Variants in PABPC4L observed in about 807,000 individuals in gnomAD.
PABPC4L encodes the protein polyadenylate-binding protein 4-like.
For missense variants in PABPC4L, 452 were observed against 451.4 expected, an observed-to-expected ratio of 1.00 and a Z score of -0.01; for synonymous variants, 169 against 164.1, an observed-to-expected ratio of 1.03 and a Z score of -0.23.
the PABPC4L span, among the ~76,000 whole-genome samples, chr4:133,971,042 T>C: frequency 6.6e-6 from 1 of 151,954 alleles, no homozygotes; most frequent in East Asian, 1.9e-4. Flanking sequence ...TCCTCTCTTT[T>C]ACTCATCATG....
the PABPC4L span, among the ~76,000 whole-genome samples, chr4:134,041,975 C>T: frequency 1.3e-4 from 20 of 152,114 alleles, no homozygotes; most frequent in Middle Eastern, 3.2e-3. Context: ...GTGTATATTG[C>T]AGCACAGCTG....
the PABPC4L span, among the ~76,000 whole-genome samples, chr4:134,025,187 G>A: frequency 1.3e-5 from 2 of 150,972 alleles, no homozygotes. Flanking sequence ...ACAAAAATTA[G>A]CTGTGCATGG....
the PABPC4L span, among the ~76,000 whole-genome samples, chr4:134,088,997 T>A: frequency 6.6e-6 from 1 of 152,066 alleles, no homozygotes. Flanking sequence ...TGTATATAAG[T>A]GATTTTAGCA....
the PABPC4L span, among the ~76,000 whole-genome samples, chr4:134,115,463 C>G: frequency 6.6e-6 from 1 of 151,556 alleles, no homozygotes; most frequent in Admixed American, 6.6e-5. Flanking sequence ...GAATAGGAAC[C>G]TAATATACAG....
the PABPC4L span, among the ~76,000 whole-genome samples, chr4:134,072,941 G>A: frequency 3.0e-3 from 460 of 152,038 alleles, 9 homozygotes; most frequent in Admixed American, 0.023. Context: ...CCTCCCAGTG[G>A]GTCCCTCCCA....
At chr4:134,137,853 A>C in the PABPC4L span, among the ~76,000 whole-genome samples, 1 of 151,938 alleles carries the variant, frequency 6.6e-6, no homozygotes, top group South Asian at 2.1e-4. Context: ...ATTATACAAA[A>C]TTTATCTTCT....
chr4:134,191,402 G>T (rs896220866), downstream of PABPC4L, among the ~76,000 whole-genome samples: 10 of 152,038 alleles, frequency 6.6e-5, no homozygotes, highest in Admixed American at 5.2e-4. Flanking sequence ...TTCTTCTCAA[G>T]TACACATGAA....
the PABPC4L span, among the ~76,000 whole-genome samples, chr4:134,050,185 T>C: frequency 6.6e-6 from 1 of 152,148 alleles, no homozygotes; most frequent in Non-Finnish European, 1.5e-5. Context: ...GGGTTTGTTC[T>C]TTAAATAGGG....
the PABPC4L span, among the ~76,000 whole-genome samples, chr4:134,059,320 G>C: frequency 6.8e-6 from 1 of 146,146 alleles, no homozygotes; most frequent in Non-Finnish European, 1.5e-5. Flanking sequence ...TATCATACAA[G>C]ACAAGGATGA....
the PABPC4L span, among the ~76,000 whole-genome samples, chr4:133,950,260 G>A: frequency 6.6e-6 from 1 of 152,032 alleles, no homozygotes; most frequent in African/African-American, 2.4e-5. Flanking sequence ...GGAGAGGGAA[G>A]GTGTTCACCC....
chr4:134,200,001 G>C lies in PABPC4L; in HGVS notation c.1019C>G (p.Ser340Cys), dbSNP rs1729794280. The C allele has an allele frequency of 6.4e-7, 1 of 1,551,650 alleles. No individual in the cohort carries two copies. Among genetic ancestry groups the C allele is most frequent in the Non-Finnish European group, 8.7e-7 (1 of 1,146,962 alleles). The change falls in exon 2 of 2, where the codon TCC (serine) becomes TGC (cysteine). Residue 340 changes from serine (S) to cysteine (C), a missense_variant. Coordinates refer to ENST00000421491, the MANE Select transcript of PABPC4L (RefSeq NM_001114734.2). The stretch of plus-strand genomic sequence containing the variant: ...TGCTTTAGTAGCATCCTCAGGAGAG[G>C]AGAAGCAGATCAAGCCAAACCCTTT... Reference protein sequence around the residue: ...QSKGFGLICFSSPEDATKAMT... With the variant: ...QSKGFGLICFCSPEDATKAMT...
chr4:134,158,643 A>C, the PABPC4L span, among the ~76,000 whole-genome samples: 1 of 152,106 alleles, frequency 6.6e-6, no homozygotes, highest in African/African-American at 2.4e-5. Context: ...CTGGATACTC[A>C]AAGAATGTTT....
the PABPC4L span, among the ~76,000 whole-genome samples, chr4:134,112,052 A>G: frequency 6.6e-6 from 1 of 152,046 alleles, no homozygotes; most frequent in African/African-American, 2.4e-5. Context: ...GTTATTCTAT[A>G]TAAAATAATG....
chr4:134,190,930 G>T, the PABPC4L span, among the ~76,000 whole-genome samples: 2 of 152,108 alleles, frequency 1.3e-5, no homozygotes, highest in Non-Finnish European at 1.5e-5. Flanking sequence ...GGGATTACAG[G>T]CGTGAGGCTC....
chr4:134,043,087 C>T, the PABPC4L span, among the ~76,000 whole-genome samples: 1 of 152,042 alleles, frequency 6.6e-6, no homozygotes, highest in Non-Finnish European at 1.5e-5. Context: ...AATAAAAATG[C>T]CTTTGTTTTC....
chr4:134,164,934 C>A, the PABPC4L span, among the ~76,000 whole-genome samples: 3 of 152,036 alleles, frequency 2.0e-5, no homozygotes, highest in Non-Finnish European at 2.9e-5. Flanking sequence ...AAAGTAGATA[C>A]ATAGAACAAT....
chr4:134,190,913 A>G, the PABPC4L span, among the ~76,000 whole-genome samples: 3 of 152,022 alleles, frequency 2.0e-5, no homozygotes, highest in Non-Finnish European at 2.9e-5. Flanking sequence ...CGGCCTCCCA[A>G]TGTGCTGGGA....
At chr4:134,002,874 T>A in the PABPC4L span, among the ~76,000 whole-genome samples, 1 of 152,076 alleles carries the variant, frequency 6.6e-6, no homozygotes, top group Non-Finnish European at 1.5e-5. Context: ...TCACATTGTA[T>A]CTTCTTCTGG....
At chr4:134,110,852 C>T in the PABPC4L span, among the ~76,000 whole-genome samples, 2 of 151,862 alleles carry the variant, frequency 1.3e-5, no homozygotes, top group African/African-American at 2.4e-5. Flanking sequence ...ATATTCAGTT[C>T]GAATACAATT....
Sources: gnomAD v4.1 joint callset for allele counts (sites outside exome capture counted in the v4.1 genomes callset) on GRCh38, gnomAD v4.1.1 for gene constraint, MANE v1.5 for transcripts, NCBI Gene and HGNC (gene_info 2026-07-23, HGNC 2026-07-21) for gene names.